ZFAND3: variants seen among roughly 807,000 people sequenced by gnomAD.
ZFAND3 encodes the protein zinc finger AN1-type containing 3.
ZFAND3 carries 10 observed loss-of-function variants against 29.6 expected under a neutral mutation model. That is an observed-to-expected ratio of 0.34 (90% confidence interval 0.21 to 0.57). The LOEUF (loss-of-function observed/expected upper bound fraction) is 0.57, where lower values mean the gene tolerates loss of function less well. Among genes scored for constraint, ZFAND3 ranks in the 20% least tolerant of loss-of-function variants. The probability of loss-of-function intolerance (pLI) is 0.86; values close to 1 mark genes in which losing one functional copy is unlikely to be tolerated. For missense variants in ZFAND3, 230 were observed against 304.5 expected (o/e 0.76, Z 1.82); for synonymous variants, 128 against 112.6 (o/e 1.14, Z -0.87).
At chr6:38,069,034 T>C (rs923706162) in intron 3 of ZFAND3, among the ~76,000 whole-genome samples, 90 of 152,360 alleles carry the variant, frequency 5.9e-4, no homozygotes, top group African/African-American at 2.0e-3. Flanking sequence ...CGTCATTGGC[T>C]ACATATCTTC....
Position 37,973,973 on chromosome 6 carries a change from T to C in ZFAND3, c.112+43974T>C, listed in dbSNP as rs547223434. Among the ~76,000 whole-genome samples the C allele has an allele frequency of 3.9e-5, 6 of 152,338 alleles. No individual in the cohort carries two copies. In the South Asian group the frequency reaches 1.2e-3, roughly 32 times the overall value. ...AGTGACCGAGAGTTTATTGCCTATCTGCAGGAAAATAATAAAGTTTTCCTG... is the reference window on the plus strand; with the variant it reads ...AGTGACCGAGAGTTTATTGCCTATCCGCAGGAAAATAATAAAGTTTTCCTG... On this transcript the variant is annotated intron_variant, in intron 2 of 5. Transcript: ENST00000287218.
intron 2 of ZFAND3, among the ~76,000 whole-genome samples, chr6:38,013,955 T>A (rs564056135): frequency 6.6e-6 from 1 of 152,302 alleles, no homozygotes; most frequent in Admixed American, 6.5e-5. Flanking sequence ...AATACTTTTC[T>A]CAAGCCAGAT....
At chr6:38,013,209 C>T (rs1043338506) in intron 2 of ZFAND3, among the ~76,000 whole-genome samples, 5 of 152,160 alleles carry the variant, frequency 3.3e-5, no homozygotes, top group Non-Finnish European at 7.3e-5. Flanking sequence ...TTTTCAACTT[C>T]ACTTGGGGCT....
At chr6:37,964,170 G>A (rs937420588) in intron 2 of ZFAND3, among the ~76,000 whole-genome samples, 1 of 152,096 alleles carries the variant, frequency 6.6e-6, no homozygotes, top group African/African-American at 2.4e-5. Context: ...GACTATTGCT[G>A]TCTTTTCAAA....
intron 1 of ZFAND3, among the ~76,000 whole-genome samples, chr6:37,831,526 C>CT (rs1477565155): frequency 2.0e-5 from 3 of 152,184 alleles, no homozygotes; most frequent in African/African-American, 7.2e-5. Flanking sequence ...GATCAATAAA[C>CT]TGACAAAACA....
chr6:38,038,921 C>T (rs1763709608), intron 2 of ZFAND3, among the ~76,000 whole-genome samples: 1 of 152,174 alleles, frequency 6.6e-6, no homozygotes, highest in South Asian at 2.1e-4. Context: ...GAAGCTCAAG[C>T]TAACTGGGAT....
chr6:38,039,466 A>G (rs996734048), intron 2 of ZFAND3, among the ~76,000 whole-genome samples: 23 of 152,228 alleles, frequency 1.5e-4, no homozygotes, highest in Non-Finnish European at 2.5e-4. Flanking sequence ...AATTTTCCCC[A>G]GGATTTGCCT....
chr6:38,111,207 C>A (rs1765309080), intron 4 of ZFAND3, among the ~76,000 whole-genome samples: 2 of 152,156 alleles, frequency 1.3e-5, no homozygotes, highest in Admixed American at 1.3e-4. Context: ...GATTCCATGT[C>A]TTTAAAATTA....
intron 4 of ZFAND3, among the ~76,000 whole-genome samples, chr6:38,108,772 C>G (rs1322369326): frequency 6.6e-6 from 1 of 152,152 alleles, no homozygotes; most frequent in Non-Finnish European, 1.5e-5. Flanking sequence ...CAGACACATG[C>G]AGAAACAATA....
Position 38,027,981 on chromosome 6 carries a change from G to A in ZFAND3, c.113-33612G>A, listed in dbSNP as rs75252515. ...CTGAGGCTGGGCTTAAAGGTGGTTA[G>A]CCGGCATTCCCCAGGGCATTGTTTG... is the stretch of plus-strand genomic sequence containing the variant. On this transcript the variant is annotated intron_variant, in intron 2 of 5. Transcript: ENST00000287218. Among the ~76,000 whole-genome samples, 2,576 of 152,296 alleles carry A rather than the reference G, an allele frequency of 0.017. 253 individuals carry two copies. In the East Asian group the frequency reaches 0.28, roughly 16 times the overall value.
At chr6:37,998,618 C>T (rs1762893086) in intron 2 of ZFAND3, among the ~76,000 whole-genome samples, 1 of 152,078 alleles carries the variant, frequency 6.6e-6, no homozygotes, top group Admixed American at 6.6e-5. Flanking sequence ...GCAAAAGAAC[C>T]TGCACCTGAG....
intron 2 of ZFAND3, among the ~76,000 whole-genome samples, chr6:37,986,444 T>C (rs767954694): frequency 2.6e-5 from 4 of 152,324 alleles, no homozygotes; most frequent in Non-Finnish European, 5.9e-5. Flanking sequence ...GAAATTATGT[T>C]CAGTAAGCCA....
chr6:37,969,982 A>G (rs138068043), intron 2 of ZFAND3, among the ~76,000 whole-genome samples: 1 of 152,240 alleles, frequency 6.6e-6, no homozygotes, highest in Non-Finnish European at 1.5e-5. Flanking sequence ...CCTGGCCAAC[A>G]TGGTGAAAAC....
intron 4 of ZFAND3, among the ~76,000 whole-genome samples, chr6:38,113,578 C>T (rs1393155722): frequency 6.6e-6 from 1 of 152,186 alleles, no homozygotes. Context: ...ACTGCACAGG[C>T]CTCCTAACTT....
In ZFAND3 at chr6:37,998,211, A is replaced by G. The variant is rs7752287; in HGVS notation, c.113-63382A>G. Among the ~76,000 whole-genome samples the G allele has an allele frequency of 4.7e-3, 717 of 152,340 alleles. 6 individuals carry two copies. The highest frequency in any genetic ancestry group is 0.017 in the African/African-American group (692 of 41,580). On this transcript the variant is annotated intron_variant, in intron 2 of 5. Coordinates refer to ENST00000287218, the MANE Select transcript of ZFAND3 (RefSeq NM_021943.3). ...GTGGAACCTGATTCAAAAAGGCTGC[A>G]TTCTATATAATTTCATTAGTATGAC...
chr6:38,115,527 G>A (rs1416323511), intron 4 of ZFAND3, among the ~76,000 whole-genome samples: 1 of 152,202 alleles, frequency 6.6e-6, no homozygotes, highest in Non-Finnish European at 1.5e-5. Context: ...CCAGTGAAGA[G>A]GCTCTTGTAG....
At chr6:37,961,916 A>G (rs1376659424) in intron 2 of ZFAND3, among the ~76,000 whole-genome samples, 2 of 152,158 alleles carry the variant, frequency 1.3e-5, no homozygotes, top group East Asian at 3.9e-4. Context: ...GACTGCAAAG[A>G]CTACAATAAA....
chr6:38,011,504 A>T (rs1763152873), intron 2 of ZFAND3, among the ~76,000 whole-genome samples: 1 of 152,176 alleles, frequency 6.6e-6, no homozygotes, highest in Non-Finnish European at 1.5e-5. Context: ...TGGTCATTCC[A>T]CTGAGTGTGG....
intron 2 of ZFAND3, among the ~76,000 whole-genome samples, chr6:37,948,570 C>G (rs994832540): frequency 6.6e-6 from 1 of 152,278 alleles, no homozygotes; most frequent in East Asian, 1.9e-4. Flanking sequence ...AGGTGATAAG[C>G]ATAGTACCCA....
Sources: gnomAD v4.1 joint callset for allele counts (sites outside exome capture counted in the v4.1 genomes callset) on GRCh38, gnomAD v4.1.1 for gene constraint, MANE v1.5 for transcripts, NCBI Gene and HGNC (gene_info 2026-07-23, HGNC 2026-07-21) for gene names.